The following LINGO2 variants were observed in gnomAD, a reference collection of about 807,000 sequenced individuals.
LINGO2 encodes leucine rich repeat and Ig domain containing 2.
A neutral mutation model predicts 30.6 loss-of-function variants in LINGO2; 14 were observed. That is an observed-to-expected ratio of 0.46 (90% confidence interval 0.30 to 0.72). The LOEUF (loss-of-function observed/expected upper bound fraction) is 0.72. Ranked by LOEUF, LINGO2 falls within the 30% of genes least tolerant of loss-of-function variation. LINGO2 has a pLI of 0.07. For synonymous variants in LINGO2, 317 were observed against 288.5 expected, an observed-to-expected ratio of 1.10 and a Z score of -1.00; for missense variants, 729 against 751.7, an observed-to-expected ratio of 0.97 and a Z score of 0.35.
the LINGO2 span, among the ~76,000 whole-genome samples, chr9:28,852,440 T>A: frequency 1.3e-5 from 2 of 151,646 alleles, no homozygotes; most frequent in African/African-American, 4.8e-5. Flanking sequence ...AATATATTTT[T>A]CAACAGGTAA....
At chr9:28,152,900 T>C (rs1448655965) in intron 4 of LINGO2, among the ~76,000 whole-genome samples, 3 of 152,152 alleles carry the variant, frequency 2.0e-5, no homozygotes, top group Admixed American at 6.5e-5. Context: ...TCAGTCTTCC[T>C]TAAACAACAT....
intron 4 of LINGO2, among the ~76,000 whole-genome samples, chr9:28,230,204 T>C (rs777968719): frequency 2.0e-5 from 3 of 151,836 alleles, no homozygotes; most frequent in Non-Finnish European, 4.4e-5. Flanking sequence ...ATACTATATG[T>C]GTGTGCATGT....
the LINGO2 span, among the ~76,000 whole-genome samples, chr9:28,960,448 T>G: frequency 2.6e-5 from 4 of 151,426 alleles, no homozygotes; most frequent in Non-Finnish European, 4.4e-5. Flanking sequence ...TACAGTGAGC[T>G]ATGATGGAGT....
intron 1 of LINGO2, among the ~76,000 whole-genome samples, chr9:28,597,726 TTGTATGTATGTCTGTA>T (rs1485292410): frequency 3.3e-5 from 5 of 152,104 alleles, no homozygotes; most frequent in Admixed American, 6.5e-5. Flanking sequence ...TAAAACTATT[TTGTATGTATGTCTGTA>T]TGTATGCATG....
At chr9:28,276,085 T>G (rs1327297624) in intron 4 of LINGO2, among the ~76,000 whole-genome samples, 3 of 152,170 alleles carry the variant, frequency 2.0e-5, no homozygotes, top group Non-Finnish European at 2.9e-5. Context: ...ATATGCAAAG[T>G]ACCCACTGCT....
At chr9:28,004,842 G>A (rs1255312157) in intron 5 of LINGO2, among the ~76,000 whole-genome samples, 10 of 152,168 alleles carry the variant, frequency 6.6e-5, no homozygotes, top group South Asian at 4.1e-4. Flanking sequence ...TGGAGAATGC[G>A]GCAGGGATCT....
intron 1 of LINGO2, among the ~76,000 whole-genome samples, chr9:28,643,619 C>A (rs907139084): frequency 1.3e-5 from 2 of 151,984 alleles, no homozygotes; most frequent in African/African-American, 4.8e-5. Flanking sequence ...GGATATTGGT[C>A]TGGGCAAACA....
At chr9:28,418,310 G>A (rs960428545) in intron 2 of LINGO2, among the ~76,000 whole-genome samples, 2 of 116,952 alleles carry the variant, frequency 1.7e-5, no homozygotes, top group Non-Finnish European at 3.3e-5. Flanking sequence ...ATGGGGTTTC[G>A]CTCTGTAGCC....
chr9:29,151,356 C>T, the LINGO2 span, among the ~76,000 whole-genome samples: 390 of 152,188 alleles, frequency 2.6e-3, 1 homozygote, highest in African/African-American at 9.0e-3. Context: ...ATAAAGTCTA[C>T]AAAACAACCA....
chr9:28,475,466 G>C (rs967661559), intron 2 of LINGO2, among the ~76,000 whole-genome samples: 1 of 151,942 alleles, frequency 6.6e-6, no homozygotes, highest in Non-Finnish European at 1.5e-5. Flanking sequence ...ATAAAACAAG[G>C]GTAATTATGA....
rs1435047517 is a variant in LINGO2, at chr9:28,135,721, A to G, written c.-86-123316T>C. On this transcript the variant is annotated intron_variant, in intron 4 of 5. Coordinates refer to ENST00000379992, the Ensembl canonical transcript of LINGO2. Reference sequence around the variant, plus strand: ...TTATTTACATTGCTATTCCCCTTCAAGCTCAAACAGTCCCCAGAACTTCCT... The same window carrying G: ...TTATTTACATTGCTATTCCCCTTCAGGCTCAAACAGTCCCCAGAACTTCCT... 3.3e-5 allele frequency among the ~76,000 whole-genome samples: 5 copies of G among 152,016 alleles called. No individual in the cohort carries two copies. The East Asian group carries it at 9.7e-4, about 29-fold the overall frequency.
the LINGO2 span, among the ~76,000 whole-genome samples, chr9:28,755,263 C>G: frequency 1.3e-5 from 2 of 152,026 alleles, no homozygotes; most frequent in Admixed American, 1.3e-4. Context: ...AATTAGGACA[C>G]AGAATGGAAT....
chr9:29,089,173 TTACAC>T, the LINGO2 span, among the ~76,000 whole-genome samples: 384 of 151,928 alleles, frequency 2.5e-3, 1 homozygote, highest in African/African-American at 8.7e-3. Flanking sequence ...TTCATTGGGC[TTACAC>T]TATGGTGTGC....
At chr9:29,078,565 C>T in the LINGO2 span, among the ~76,000 whole-genome samples, 13 of 151,882 alleles carry the variant, frequency 8.6e-5, no homozygotes, top group African/African-American at 2.2e-4. Context: ...CTATGGTTTT[C>T]GGGAAATAAG....
At chr9:28,925,126 T>C in the LINGO2 span, among the ~76,000 whole-genome samples, 9 of 152,372 alleles carry the variant, frequency 5.9e-5, no homozygotes, top group Admixed American at 5.9e-4. Flanking sequence ...CATCACATTG[T>C]ACCCCATAAG....
At chr9:28,699,201 T>A in the LINGO2 span, among the ~76,000 whole-genome samples, 12 of 152,058 alleles carry the variant, frequency 7.9e-5, no homozygotes, top group African/African-American at 2.9e-4. Context: ...GTGTTGACAA[T>A]GTATAATGAC....
chr9:28,295,780 G>C (rs1443923439), intron 3 of LINGO2, among the ~76,000 whole-genome samples: 1 of 152,138 alleles, frequency 6.6e-6, no homozygotes, highest in Non-Finnish European at 1.5e-5. Context: ...TGAGCAGTTA[G>C]AGCGAAATCC....
intron 5 of LINGO2, among the ~76,000 whole-genome samples, chr9:27,974,947 A>C (rs963981474): frequency 6.6e-6 from 1 of 152,140 alleles, no homozygotes; most frequent in Admixed American, 6.6e-5. Context: ...CAGGCAGGTT[A>C]GAAGCACAAT....
At chr9:28,831,958 G>A in the LINGO2 span, among the ~76,000 whole-genome samples, 1 of 152,112 alleles carries the variant, frequency 6.6e-6, no homozygotes, top group South Asian at 2.1e-4. Context: ...AACAAATTTT[G>A]TGGCATTAGA....
Sources: gnomAD v4.1 joint callset for allele counts (sites outside exome capture counted in the v4.1 genomes callset) on GRCh38, gnomAD v4.1.1 for gene constraint, MANE v1.5 for transcripts, NCBI Gene and HGNC (gene_info 2026-07-23, HGNC 2026-07-21) for gene names.